Variants in MYO18B observed in about 807,000 individuals in gnomAD.
MYO18B encodes myosin XVIIIB.
A neutral mutation model predicts 273.0 loss-of-function variants in MYO18B; 204 were observed. The ratio of observed to expected loss-of-function variants is 0.75; its 90% CI spans 0.67 to 0.84. The LOEUF (loss-of-function observed/expected upper bound fraction) is 0.84. Among genes scored for constraint, MYO18B ranks in the 40% least tolerant of loss-of-function variants. The pLI is 0.00. For synonymous variants in MYO18B, 1,330 were observed against 1,305.7 expected, an observed-to-expected ratio of 1.02 and a Z score of -0.40; for missense variants, 3,212 against 3,287.6, an observed-to-expected ratio of 0.98 and a Z score of 0.56.
intron 40 of MYO18B, among the ~76,000 whole-genome samples, chr22:25,999,078 A>C (rs1450003584): frequency 6.6e-6 from 1 of 152,238 alleles, no homozygotes; most frequent in African/African-American, 2.4e-5. Flanking sequence ...TGTTATCCTC[A>C]AAACAACTCT....
At chr22:25,865,007 G>A (rs1257299270) in intron 21 of MYO18B, among the ~76,000 whole-genome samples, 2 of 152,156 alleles carry the variant, frequency 1.3e-5, no homozygotes, top group Non-Finnish European at 2.9e-5. Context: ...ATGTTATGTT[G>A]AACTAAATGA....
Position 25,890,777 on chromosome 22 carries a change from C to G in MYO18B, c.4336C>G (p.Leu1446Val), listed in dbSNP as rs772753564. Residue 1446 changes from leucine to valine, a missense_variant, in exon 26 of 44, where the codon CTT (leucine) becomes GTT (valine). Leu to Val is a conservative substitution (Grantham distance 32). Coordinates refer to ENST00000335473, the MANE Select transcript of MYO18B (RefSeq NM_032608.7). ...ESKIADLTSD[L>V]ADERFKGDVA... ...TCAGATTGCTGACTTGACCTCTGAC[C>G]TTGCCGATGAGCGCTTCAAAGGTGA... The G allele has an allele frequency of 6.2e-7, 1 of 1,613,950 alleles. No homozygotes were observed.
the MYO18B span, among the ~76,000 whole-genome samples, chr22:26,047,976 G>A: frequency 5.0e-4 from 76 of 152,170 alleles, no homozygotes; most frequent in Non-Finnish European, 9.3e-4. Flanking sequence ...GCTGTTCCTT[G>A]TGTGTGGAAT....
intron 25 of MYO18B, among the ~76,000 whole-genome samples, chr22:25,879,757 G>A (rs191513638): frequency 3.9e-5 from 6 of 152,292 alleles, no homozygotes; most frequent in East Asian, 1.9e-4. Flanking sequence ...GGTTTGATTC[G>A]CTCAGGGTTC....
At chr22:25,950,553 T>TGTGTGTGTGTGTGTGTGGGG in intron 37 of MYO18B, 103 bp downstream of exon 37, 1 of 735,790 alleles carries the variant, frequency 1.4e-6, no homozygotes, top group South Asian at 2.4e-5. Context: ...TGTGTGTGTA[T>TGTGTGTGTGTGTGTGTGGGG]GAGTTTATTG....
rs370437815 is a variant in MYO18B at position 25,768,534 on chromosome 22, C to T, written c.618C>T (p.Thr206=). 97 of 1,554,568 alleles carry T rather than the reference C, an allele frequency of 6.2e-5. 2 individuals are homozygous for T. In the South Asian group the frequency reaches 1.0e-3, roughly 16 times the overall value. Residue 206 remains threonine, a synonymous_variant, in exon 4 of 44, where the codon ACC becomes ACT. Transcript: ENST00000335473. ...CTCCTTGTGGCTCCCAGGCCAGCAC[C>T]GAGATCTTGGCCCCGAAAGCTGAGA... ...SRTPCGSQAS[T]EILAPKAEKT...
At chr22:25,863,436 A>G (rs1034287491) in intron 21 of MYO18B, among the ~76,000 whole-genome samples, 8 of 152,224 alleles carry the variant, frequency 5.3e-5, no homozygotes, top group African/African-American at 1.9e-4. Flanking sequence ...ATGATACATT[A>G]TAGCAAGTCT....
At chr22:26,033,523 A>G (rs1936710128), downstream of MYO18B, among the ~76,000 whole-genome samples, 1 of 152,242 alleles carries the variant, frequency 6.6e-6, no homozygotes, top group African/African-American at 2.4e-5. Context: ...GGATGCATCC[A>G]AAAAGGTTAA....
chr22:25,802,684 CAG>C (rs2088259728), intron 12 of MYO18B, among the ~76,000 whole-genome samples: 1 of 145,796 alleles, frequency 6.9e-6, no homozygotes, highest in African/African-American at 2.6e-5. Context: ...ACCCGGGAGG[CAG>C]AGCTTGCGGT....
chr22:25,885,714 A>G (rs923858700), intron 25 of MYO18B, among the ~76,000 whole-genome samples: 1 of 152,110 alleles, frequency 6.6e-6, no homozygotes, highest in South Asian at 2.1e-4. Flanking sequence ...AAAAAGAGGT[A>G]TGTGGGTGTC....
At chr22:25,912,936 A>G (rs1427995275) in intron 33 of MYO18B, among the ~76,000 whole-genome samples, 1 of 152,214 alleles carries the variant, frequency 6.6e-6, no homozygotes, top group Non-Finnish European at 1.5e-5. Context: ...ATAATGATAC[A>G]TGCAGTTCTA....
chr22:25,744,563 C>G (rs1279277800), intron 1 of MYO18B, among the ~76,000 whole-genome samples: 2 of 152,012 alleles, frequency 1.3e-5, no homozygotes, highest in East Asian at 1.9e-4. Context: ...AACCCCGTCT[C>G]TACTAAAAAC....
chr22:26,019,600 G>A (rs1031844936), intron 42 of MYO18B, among the ~76,000 whole-genome samples: 8 of 152,174 alleles, frequency 5.3e-5, no homozygotes, highest in African/African-American at 1.7e-4. Context: ...CAGACTCTCT[G>A]TTGTTATTTT....
Position 25,770,094 on chromosome 22 carries a change from T to G in MYO18B, c.1513-16T>G, listed in dbSNP as rs1216294580. The G allele has an allele frequency of 6.2e-7, 1 of 1,613,438 alleles. No homozygotes were observed. Among genetic ancestry groups the G allele is most frequent in the Non-Finnish European group, 8.5e-7 (1 of 1,179,674 alleles). On this transcript the variant is annotated splice_polypyrimidine_tract_variant and intron_variant, in intron 4 of 43. Coordinates refer to ENST00000335473, the MANE Select transcript of MYO18B (RefSeq NM_032608.7). The stretch of plus-strand genomic sequence containing the variant: ...GTGCCATTTGCTGGTTTAATTTACG[T>G]GATGTTGGTTCTCAGGCTCCTGAGG...
chr22:25,968,208 A>G (rs1185237709), intron 39 of MYO18B, among the ~76,000 whole-genome samples: 1 of 152,180 alleles, frequency 6.6e-6, no homozygotes, highest in African/African-American at 2.4e-5. Context: ...TTTGGGTTAT[A>G]TGCCCACACC....
chr22:25,988,785 G>A (rs1294831263), intron 39 of MYO18B, among the ~76,000 whole-genome samples: 2 of 152,060 alleles, frequency 1.3e-5, no homozygotes, highest in Non-Finnish European at 2.9e-5. Flanking sequence ...TTTACTCCTC[G>A]CAAAAGCCCT....
At chr22:25,762,098 C>T (rs554265400) in intron 2 of MYO18B, among the ~76,000 whole-genome samples, 39 of 150,796 alleles carry the variant, frequency 2.6e-4, no homozygotes, top group Admixed American at 4.6e-4. Context: ...TGCGAGACTC[C>T]GTCTCAAAAA....
At chr22:25,801,352 C>T (rs2088186016) in intron 12 of MYO18B, among the ~76,000 whole-genome samples, 1 of 152,170 alleles carries the variant, frequency 6.6e-6, no homozygotes, top group Non-Finnish European at 1.5e-5. Context: ...AGCACTTATA[C>T]CTCTATTATG....
intron 42 of MYO18B, among the ~76,000 whole-genome samples, chr22:26,022,445 C>T (rs1935903149): frequency 6.6e-6 from 1 of 152,164 alleles, no homozygotes; most frequent in Admixed American, 6.5e-5. Flanking sequence ...ATTCTTCAGT[C>T]TCTATACAGA....
Sources: allele counts gnomAD v4.1 joint callset (sites outside exome capture counted in the v4.1 genomes callset), GRCh38; gene constraint gnomAD v4.1.1; transcripts MANE v1.5; gene names NCBI Gene and HGNC (gene_info 2026-07-23, HGNC 2026-07-21).